LRRTM4: variants seen among roughly 807,000 people sequenced by gnomAD.
LRRTM4 encodes leucine-rich repeat transmembrane neuronal protein 4.
Under a neutral mutation model 47.6 loss-of-function variants are expected in LRRTM4, and 25 were observed. The observed-to-expected ratio is 0.53, with a 90% confidence interval of 0.38 to 0.73. The LOEUF (loss-of-function observed/expected upper bound fraction) is 0.73, where lower values mean the gene tolerates loss of function less well. Among genes scored for constraint, LRRTM4 ranks in the 30% least tolerant of loss-of-function variants. The probability of loss-of-function intolerance (pLI) is 0.00; values close to 1 mark genes in which losing one functional copy is unlikely to be tolerated. For synonymous variants in LRRTM4, 311 were observed against 269.5 expected (o/e 1.15, Z -1.51); for missense variants, 638 against 713.4 (o/e 0.89, Z 1.20).
intron 3 of LRRTM4, among the ~76,000 whole-genome samples, chr2:77,280,184 G>A (rs968987207): frequency 2.0e-5 from 3 of 151,916 alleles, no homozygotes; most frequent in African/African-American, 7.2e-5. Flanking sequence ...ATACACCATG[G>A]CTGGCTTTGG....
chr2:77,350,325 T>G (rs1402516084), intron 3 of LRRTM4, among the ~76,000 whole-genome samples: 1 of 73,844 alleles, frequency 1.4e-5, no homozygotes, highest in African/African-American at 5.6e-5. Context: ...AGAGCAAGAC[T>G]CCGTCTCAAA....
At chr2:76,884,867 A>C (rs1330016705) in intron 3 of LRRTM4, among the ~76,000 whole-genome samples, 2 of 152,170 alleles carry the variant, frequency 1.3e-5, no homozygotes, top group African/African-American at 4.8e-5. Context: ...TAAATGGCCA[A>C]GAGGGTACTT....
chr2:77,149,690 G>A (rs1237844858), intron 3 of LRRTM4, among the ~76,000 whole-genome samples: 2 of 152,188 alleles, frequency 1.3e-5, no homozygotes, highest in Admixed American at 1.3e-4. Context: ...TTGTCAGTAT[G>A]AAGGAAGATG....
chr2:77,077,058 C>T (rs187914137), intron 3 of LRRTM4, among the ~76,000 whole-genome samples: 4 of 152,068 alleles, frequency 2.6e-5, no homozygotes, highest in Admixed American at 2.6e-4. Context: ...TTGATTAGTA[C>T]CTAGATGGTG....
intron 3 of LRRTM4, among the ~76,000 whole-genome samples, chr2:77,019,792 G>A (rs776590132): frequency 1.3e-5 from 2 of 152,006 alleles, no homozygotes; most frequent in Non-Finnish European, 2.9e-5. Flanking sequence ...TTTATCAAAA[G>A]TGAGGCTCCA....
chr2:76,831,108 CT>C (rs1671338366), intron 3 of LRRTM4, among the ~76,000 whole-genome samples: 1 of 151,988 alleles, frequency 6.6e-6, no homozygotes, highest in Non-Finnish European at 1.5e-5. Flanking sequence ...TAGAGATTGC[CT>C]TTCTTTAATT....
intron 3 of LRRTM4, among the ~76,000 whole-genome samples, chr2:77,106,536 C>T (rs1432359870): frequency 6.6e-6 from 1 of 151,228 alleles, no homozygotes; most frequent in Non-Finnish European, 1.5e-5. Context: ...TTAAGTAACA[C>T]ATATTAAAAA....
At chr2:76,839,399 A>G (rs950917707) in intron 3 of LRRTM4, among the ~76,000 whole-genome samples, 1 of 152,194 alleles carries the variant, frequency 6.6e-6, no homozygotes, top group Non-Finnish European at 1.5e-5. Flanking sequence ...ACTGCCCTTA[A>G]GTTCTCTAAT....
At position 76,981,019 on chromosome 2, in the gene LRRTM4, T is replaced by G. The variant is rs1259862019; in HGVS notation, c.1552-232103A>C. 3.9e-5 allele frequency among the ~76,000 whole-genome samples: 6 copies of G among 152,104 alleles called. No homozygotes were observed. The East Asian group carries it at 1.2e-3, about 29-fold the overall frequency. On this transcript the variant is annotated intron_variant, in intron 3 of 3. Coordinates refer to ENST00000409884, the MANE Select transcript of LRRTM4 (RefSeq NM_001134745.3). ...TTCCTTGGGGCAAAGTTGTAATGAC[T>G]TGATTAATGTAGTTATCAGATGCTG...
intron 3 of LRRTM4, among the ~76,000 whole-genome samples, chr2:76,834,263 C>A (rs1026324279): frequency 6.7e-6 from 1 of 148,904 alleles, no homozygotes; most frequent in South Asian, 2.1e-4. Context: ...ATTGGCCAGT[C>A]TGGTCTCGAA....
At chr2:77,503,436 T>C (rs1678648610) in intron 3 of LRRTM4, among the ~76,000 whole-genome samples, 1 of 151,738 alleles carries the variant, frequency 6.6e-6, no homozygotes, top group South Asian at 2.1e-4. Context: ...AGAAAAGATC[T>C]TGGCTTACTT....
Position 77,465,481 on chromosome 2 carries a change from C to G in LRRTM4, c.1551+52837G>C, listed in dbSNP as rs377031414. On this transcript the variant is annotated intron_variant, in intron 3 of 3. Coordinates refer to ENST00000409884, the MANE Select transcript of LRRTM4 (RefSeq NM_001134745.3). ...ACGTCACAGCTGTTAATAACGTGTT[C>G]TAGTCCCTCTACCAAGGACATTTGT... 3.6e-4 allele frequency among the ~76,000 whole-genome samples: 55 copies of G among 152,228 alleles called. No homozygotes were observed. The East Asian group carries it at 6.6e-3, about 18-fold the overall frequency.
chr2:76,840,297 A>G (rs1671633850), intron 3 of LRRTM4, among the ~76,000 whole-genome samples: 1 of 152,244 alleles, frequency 6.6e-6, no homozygotes, highest in South Asian at 2.1e-4. Context: ...TTTCAAATGT[A>G]TCTCCACAAT....
intron 3 of LRRTM4, among the ~76,000 whole-genome samples, chr2:77,217,158 C>A (rs369849396): frequency 6.6e-6 from 1 of 150,644 alleles, no homozygotes; most frequent in East Asian, 2.0e-4. Flanking sequence ...GCACTTATAT[C>A]TTTCTCTTCT....
In LRRTM4 at chr2:77,261,292, C is replaced by T. The variant is rs376262950; in HGVS notation, c.1551+257026G>A. On this transcript the variant is annotated intron_variant, in intron 3 of 3. Coordinates refer to ENST00000409884, the MANE Select transcript of LRRTM4 (RefSeq NM_001134745.3). ...TATTCTATTATTTTCCCTACATTTC[C>T]CAGTCCTCTCACAGCTAGACACGGT... Among the ~76,000 whole-genome samples the T allele has an allele frequency of 2.6e-5, 4 of 152,200 alleles. No individual in the cohort carries two copies. In the East Asian group the frequency reaches 5.8e-4, roughly 22 times the overall value.
intron 3 of LRRTM4, among the ~76,000 whole-genome samples, chr2:77,081,625 G>T (rs1160814450): frequency 2.0e-5 from 3 of 151,948 alleles, no homozygotes; most frequent in South Asian, 2.1e-4. Context: ...CCAAAAAATG[G>T]CAAGTATATT....
At chr2:77,360,639 T>C (rs1672175533) in intron 3 of LRRTM4, among the ~76,000 whole-genome samples, 1 of 151,988 alleles carries the variant, frequency 6.6e-6, no homozygotes, top group South Asian at 2.1e-4. Flanking sequence ...ACAAAAGTAA[T>C]TTGACTTCCC....
Position 76,768,266 on chromosome 2 carries a change from A to G in LRRTM4, c.1552-19350T>C, listed in dbSNP as rs1438248451. On this transcript the variant is annotated intron_variant, in intron 3 of 3. Coordinates refer to ENST00000409884, the MANE Select transcript of LRRTM4 (RefSeq NM_001134745.3). The stretch of plus-strand genomic sequence containing the variant: ...TATATTGGTTTCTTTACATGCAACA[A>G]TTCTAAGAATGGTAACTTCTTCTAT... Among the ~76,000 whole-genome samples the G allele has an allele frequency of 2.6e-5, 4 of 152,208 alleles. No homozygotes were observed. In the East Asian group the frequency reaches 5.8e-4, roughly 22 times the overall value.
intron 3 of LRRTM4, among the ~76,000 whole-genome samples, chr2:77,076,390 C>T (rs763641481): frequency 8.0e-5 from 12 of 149,362 alleles, no homozygotes; most frequent in Non-Finnish European, 1.5e-4. Flanking sequence ...TAATTTAGTT[C>T]ACAAGTTAAA....
Sources: allele counts gnomAD v4.1 joint callset (sites outside exome capture counted in the v4.1 genomes callset), GRCh38; gene constraint gnomAD v4.1.1; transcripts MANE v1.5; gene names NCBI Gene and HGNC (gene_info 2026-07-23, HGNC 2026-07-21).